The following LRP1B variants were observed in gnomAD, a reference collection of about 807,000 sequenced individuals.
LRP1B encodes the protein LDL receptor related protein 1B, also known as low-density lipoprotein receptor-related protein 1B.
Under a neutral mutation model 556.6 loss-of-function variants are expected in LRP1B, and 217 were observed. The observed-to-expected ratio is 0.39, with a 90% CI of 0.35 to 0.44. The LOEUF is 0.44. LRP1B is among the 20% of genes least tolerant of loss of function. The probability of loss-of-function intolerance (pLI) is 1.00; values close to 1 mark genes in which losing one functional copy is unlikely to be tolerated. For synonymous variants in LRP1B, 2,047 were observed against 1,865.8 expected (o/e 1.10, Z -2.50); for missense variants, 5,053 against 5,620.8 (o/e 0.90, Z 3.23).
chr2:140,493,735 A>G (rs1688800981), intron 56 of LRP1B, among the ~76,000 whole-genome samples: 1 of 152,088 alleles, frequency 6.6e-6, no homozygotes, highest in Non-Finnish European at 1.5e-5. Flanking sequence ...TCCTTTTTAA[A>G]TTGTTTGAAA....
intron 35 of LRP1B, among the ~76,000 whole-genome samples, chr2:140,738,608 G>T (rs1688029290): frequency 6.6e-6 from 1 of 152,150 alleles, no homozygotes. Flanking sequence ...GGCAACTTTG[G>T]CTTAAGGACT....
chr2:140,760,194 G>T (rs1490873985), intron 35 of LRP1B, among the ~76,000 whole-genome samples: 1 of 152,090 alleles, frequency 6.6e-6, no homozygotes, highest in Non-Finnish European at 1.5e-5. Context: ...AGTAAACCAG[G>T]GGAACACATC....
chr2:142,065,605 C>T (rs1380958603), intron 1 of LRP1B, among the ~76,000 whole-genome samples: 1 of 151,328 alleles, frequency 6.6e-6, no homozygotes, highest in Non-Finnish European at 1.5e-5. Flanking sequence ...CTTAATTCCC[C>T]TTTGTCATGT....
intron 2 of LRP1B, among the ~76,000 whole-genome samples, chr2:141,735,646 A>G (rs148906662): frequency 1.6e-4 from 24 of 152,258 alleles, no homozygotes; most frequent in African/African-American, 5.5e-4. Flanking sequence ...TCTATTTAGA[A>G]TTTCATATAG....
At chr2:140,718,575 T>G (rs995601798) in intron 35 of LRP1B, among the ~76,000 whole-genome samples, 1 of 152,012 alleles carries the variant, frequency 6.6e-6, no homozygotes, top group Non-Finnish European at 1.5e-5. Context: ...GCTACAGATA[T>G]ACTTTTAAAA....
At chr2:141,933,440 T>C (rs1269526281) in intron 1 of LRP1B, among the ~76,000 whole-genome samples, 1 of 152,122 alleles carries the variant, frequency 6.6e-6, no homozygotes, top group Non-Finnish European at 1.5e-5. Flanking sequence ...AGTTCTGTTT[T>C]GAAGGCTTTC....
chr2:141,994,249 T>C (rs1034463415), intron 1 of LRP1B, among the ~76,000 whole-genome samples: 1 of 152,184 alleles, frequency 6.6e-6, no homozygotes, highest in African/African-American at 2.4e-5. Flanking sequence ...AATGTAATAG[T>C]GGCCAGCTGG....
intron 1 of LRP1B, among the ~76,000 whole-genome samples, chr2:142,090,966 T>C (rs1287430131): frequency 6.6e-6 from 1 of 152,130 alleles, no homozygotes; most frequent in Non-Finnish European, 1.5e-5. Flanking sequence ...AAAGAAAATA[T>C]ATGATTGCAA....
chr2:141,281,900 G>A (rs1391771625), intron 3 of LRP1B, among the ~76,000 whole-genome samples: 2 of 151,978 alleles, frequency 1.3e-5, no homozygotes, highest in African/African-American at 2.4e-5. Flanking sequence ...TTTCTAAACC[G>A]TAAAGTGATC....
chr2:141,726,495 C>A (rs567336996), intron 2 of LRP1B, among the ~76,000 whole-genome samples: 2 of 151,938 alleles, frequency 1.3e-5, no homozygotes, highest in African/African-American at 4.8e-5. Flanking sequence ...ATTTATTATT[C>A]TTGAAGTTAT....
chr2:140,458,782 C>T (rs1687203842), intron 60 of LRP1B, among the ~76,000 whole-genome samples: 1 of 151,762 alleles, frequency 6.6e-6, no homozygotes. Flanking sequence ...TTTTTAAATG[C>T]TGGGTAAATT....
chr2:140,865,931 G>C (rs559216550), intron 27 of LRP1B, among the ~76,000 whole-genome samples: 3 of 152,092 alleles, frequency 2.0e-5, no homozygotes, highest in Admixed American at 2.0e-4. Flanking sequence ...AGAGTATCGT[G>C]GTTCTTCCTG....
rs187803644 is a variant in LRP1B, at chr2:140,989,787, A to G, written c.2645-130T>C. On this transcript the variant is annotated intron_variant, in intron 16 of 90. Coordinates refer to ENST00000389484, the MANE Select transcript of LRP1B (RefSeq NM_018557.3). ...ATAAATGTCATAGAGTCTGTCATTC[A>G]TTGCCTTATATTTAATAGCAAATAC... 498 of 755,594 alleles carry G rather than the reference A, an allele frequency of 6.6e-4. 2 individuals are homozygous for G. Among genetic ancestry groups the G allele is most frequent in the Non-Finnish European group, 1.1e-4 (53 of 484,764 alleles). 46.8% of individuals were successfully genotyped at this position (755,594 alleles called of 1,614,324 possible). A position where few individuals can be genotyped will look rare whatever the true frequency, so the allele number is the denominator to read the frequency against.
At chr2:141,887,249 G>T (rs1013131018) in intron 1 of LRP1B, among the ~76,000 whole-genome samples, 2 of 152,104 alleles carry the variant, frequency 1.3e-5, no homozygotes, top group Non-Finnish European at 1.5e-5. Flanking sequence ...GCCAGCCTTG[G>T]GCTCCCGAAG....
At chr2:140,498,167 G>A (rs1338246604) in intron 55 of LRP1B, among the ~76,000 whole-genome samples, 1 of 151,780 alleles carries the variant, frequency 6.6e-6, no homozygotes, top group Non-Finnish European at 1.5e-5. Flanking sequence ...TTATGAAAGT[G>A]AGAATTATAT....
chr2:141,467,251 A>C (rs1195372360), intron 3 of LRP1B, among the ~76,000 whole-genome samples: 1 of 151,780 alleles, frequency 6.6e-6, no homozygotes, highest in Non-Finnish European at 1.5e-5. Flanking sequence ...ATAGACAGTC[A>C]ATAAACTGTG....
chr2:140,265,391 G>A (rs1274556925), intron 86 of LRP1B, among the ~76,000 whole-genome samples: 1 of 151,814 alleles, frequency 6.6e-6, no homozygotes, highest in African/African-American at 2.4e-5. Flanking sequence ...TTTTTCCTAG[G>A]CTTCTGTTGG....
intron 25 of LRP1B, among the ~76,000 whole-genome samples, chr2:140,875,143 A>C (rs1309450681): frequency 6.6e-6 from 1 of 152,142 alleles, no homozygotes; most frequent in Admixed American, 6.5e-5. Flanking sequence ...AAACCCAGGG[A>C]CAGAAATTAA....
intron 35 of LRP1B, among the ~76,000 whole-genome samples, chr2:140,750,991 C>CTTT (rs562658619): frequency 4.1e-5 from 4 of 98,096 alleles, no homozygotes; most frequent in Non-Finnish European, 6.1e-5. Context: ...CTTTTTTTTT[C>CTTT]TTTTTTTTTT....
Sources: gnomAD v4.1 joint callset for allele counts (sites outside exome capture counted in the v4.1 genomes callset) on GRCh38, gnomAD v4.1.1 for gene constraint, MANE v1.5 for transcripts, NCBI Gene and HGNC (gene_info 2026-07-23, HGNC 2026-07-21) for gene names.